Variants in PCDHA8 observed in about 807,000 individuals in gnomAD.
PCDHA8 encodes the protein protocadherin alpha 8.
Under a neutral mutation model 61.8 loss-of-function variants are expected in PCDHA8, and 53 were observed. That is an observed-to-expected ratio of 0.86 (90% CI 0.69 to 1.08). PCDHA8 has a LOEUF of 1.08. Ranked by LOEUF, PCDHA8 falls within the 50% of genes least tolerant of loss-of-function variation. The probability of loss-of-function intolerance (pLI) is 0.00; values close to 1 mark genes in which losing one functional copy is unlikely to be tolerated. For synonymous variants in PCDHA8, 618 were observed against 556.6 expected, an observed-to-expected ratio of 1.11 and a Z score of -1.55; for missense variants, 1,293 against 1,245.0, an observed-to-expected ratio of 1.04 and a Z score of -0.58.
chr5:140,904,139 A>C (rs557435150), intron 1 of PCDHA8, among the ~76,000 whole-genome samples: 10 of 152,286 alleles, frequency 6.6e-5, no homozygotes, highest in African/African-American at 2.2e-4. Flanking sequence ...TCACCCGAGC[A>C]GTATACATTG....
At chr5:141,005,985 T>C (rs2098249971) in intron 3 of PCDHA8, among the ~76,000 whole-genome samples, 1 of 151,848 alleles carries the variant, frequency 6.6e-6, no homozygotes, top group Non-Finnish European at 1.5e-5. Context: ...AAAGAGTGTT[T>C]GAGGATCTGA....
chr5:140,926,538 G>A (rs155362), intron 1 of PCDHA8: 1 of 210,368 alleles, frequency 4.8e-6, no homozygotes, highest in Admixed American at 5.9e-5. Flanking sequence ...CAGCCAGCGT[G>A]GTGGTCGAGA....
At chr5:140,941,255 C>CTTTCTT (rs782490896) in intron 1 of PCDHA8, among the ~76,000 whole-genome samples, 957 of 44,428 alleles carry the variant, frequency 0.022, 12 homozygotes, top group African/African-American at 0.028. Flanking sequence ...TTCTTTCTTT[C>CTTTCTT]TCTTTCTTTC....
chr5:140,978,036 C>T (rs1460377915), intron 1 of PCDHA8, among the ~76,000 whole-genome samples: 22 of 152,268 alleles, frequency 1.4e-4, no homozygotes, highest in Admixed American at 1.4e-3. Context: ...TGATACAAGA[C>T]AGTGATGGTG....
At chr5:140,925,938 T>C (rs1357099773) in intron 1 of PCDHA8, among the ~76,000 whole-genome samples, 1 of 138,492 alleles carries the variant, frequency 7.2e-6, no homozygotes, top group Non-Finnish European at 1.5e-5. Context: ...GTAGAGCCTC[T>C]TGGAGAAGGA....
chr5:140,997,921 G>T lies in PCDHA8; in HGVS notation c.2543-11706G>T, dbSNP rs553205382. On this transcript the variant is annotated intron_variant, in intron 3 of 3. Coordinates refer to ENST00000531613, the MANE Select transcript of PCDHA8 (RefSeq NM_018911.3). ...CAAGAAGTAGAATTACAGAATCATA[G>T]GATATAAAAATATCAAATTGGCAAA... is the stretch of plus-strand genomic sequence containing the variant. Among the ~76,000 whole-genome samples the T allele has an allele frequency of 1.1e-4, 16 of 152,200 alleles. No homozygotes were observed. The South Asian group carries it at 3.3e-3, about 32-fold the overall frequency.
At position 140,856,702 on chromosome 5, in the gene PCDHA8, A is replaced by G. The variant is rs782234318; in HGVS notation, c.2394+12987A>G. The stretch of plus-strand genomic sequence containing the variant: ...TGTTGACAGCAACTGATGGAGGCAA[A>G]CCTGAATTTACCGGATCTGTTTCTC... On this transcript the variant is annotated intron_variant, in intron 1 of 3. Transcript: ENST00000531613. The G allele has an allele frequency of 1.7e-5, 27 of 1,596,504 alleles. 5 individuals are homozygous for G. Among genetic ancestry groups the G allele is most frequent in the Middle Eastern group, 3.3e-4 (2 of 6,020 alleles).
chr5:140,884,020 G>C (rs61734917), intron 1 of PCDHA8: 236 of 1,613,292 alleles, frequency 1.5e-4, no homozygotes, highest in Non-Finnish European at 1.9e-4. Flanking sequence ...TGCCGCGGTC[G>C]GTGGGTGCAG....
intron 1 of PCDHA8, chr5:140,883,811 G>A: frequency 6.2e-7 from 1 of 1,612,586 alleles, no homozygotes; most frequent in African/African-American, 1.3e-5. Context: ...CGCGGAGAGC[G>A]GCAAGGTGTA....
intron 3 of PCDHA8, among the ~76,000 whole-genome samples, chr5:140,991,403 C>A (rs1230118485): frequency 6.6e-6 from 1 of 152,116 alleles, no homozygotes; most frequent in African/African-American, 2.4e-5. Context: ...TATTTATTTC[C>A]CATTATGCTA....
At chr5:140,860,563 A>G (rs1332482786) in intron 1 of PCDHA8, 4 of 152,330 alleles carry the variant, frequency 2.6e-5, no homozygotes, top group Admixed American at 1.3e-4. Flanking sequence ...AGAGGTACTG[A>G]TCATACACAA....
At chr5:140,913,993 G>A (rs2076550293) in intron 1 of PCDHA8, among the ~76,000 whole-genome samples, 2 of 152,040 alleles carry the variant, frequency 1.3e-5, no homozygotes, top group South Asian at 4.2e-4. Flanking sequence ...ATTGTGACTA[G>A]CATATGGTCT....
At chr5:140,964,567 A>G (rs2095840776) in intron 1 of PCDHA8, among the ~76,000 whole-genome samples, 1 of 152,080 alleles carries the variant, frequency 6.6e-6, no homozygotes. Context: ...GGCTGGGAGG[A>G]GATAAGGGGA....
chr5:140,858,650 T>G, intron 1 of PCDHA8: 2 of 822,762 alleles, frequency 2.4e-6, no homozygotes, highest in South Asian at 3.9e-5. Context: ...GGTACTTAAA[T>G]TTTTTTAAAT....
intron 1 of PCDHA8, chr5:140,929,026 G>A: frequency 1.2e-6 from 2 of 1,614,176 alleles, no homozygotes; most frequent in Non-Finnish European, 1.7e-6. Context: ...CCAGAGCCCA[G>A]GCTGTTGCGC....
In PCDHA8 at chr5:141,010,018, T is replaced by G. The variant is rs1257083450; in HGVS notation, c.*81T>G. On this transcript the variant is annotated 3_prime_UTR_variant, in exon 4 of 4. Coordinates refer to ENST00000531613, the MANE Select transcript of PCDHA8 (RefSeq NM_018911.3). ...TCCCATGTAGCAATTCCCTGCTCCTTTTTCCTATCTACATGAGCCCTCTTA... is the reference window on the plus strand; with the variant it reads ...TCCCATGTAGCAATTCCCTGCTCCTGTTTCCTATCTACATGAGCCCTCTTA... 2.5e-5 allele frequency: 40 copies of G among 1,571,834 alleles called. No homozygotes were observed. Among genetic ancestry groups the G allele is most frequent in the Non-Finnish European group, 3.4e-5 (39 of 1,163,118 alleles).
chr5:140,934,705 C>T (rs1235956763), intron 1 of PCDHA8, among the ~76,000 whole-genome samples: 8 of 152,132 alleles, frequency 5.3e-5, no homozygotes, highest in African/African-American at 1.9e-4. Flanking sequence ...TCCTGGCCAT[C>T]TTACAAAAAG....
At chr5:140,873,653 C>A (rs2054406845) in intron 1 of PCDHA8, among the ~76,000 whole-genome samples, 1 of 152,104 alleles carries the variant, frequency 6.6e-6, no homozygotes, top group Non-Finnish European at 1.5e-5. Context: ...AACTACATAA[C>A]ACACTATTAT....
chr5:140,854,297 T>C (rs1194574834), intron 1 of PCDHA8: 2 of 419,142 alleles, frequency 4.8e-6, no homozygotes, highest in Non-Finnish European at 6.4e-6. Context: ...TATTATTTTG[T>C]GCGTGGAGAT....
Sources: allele counts gnomAD v4.1 joint callset (sites outside exome capture counted in the v4.1 genomes callset), GRCh38; gene constraint gnomAD v4.1.1; transcripts MANE v1.5; gene names NCBI Gene and HGNC (gene_info 2026-07-23, HGNC 2026-07-21).